The following DOP1B variants were observed in gnomAD, a reference collection of about 807,000 sequenced individuals.
DOP1B encodes DOP1 leucine zipper like protein B.
DOP1B carries 174 observed loss-of-function variants against 233.5 expected under a neutral mutation model. The ratio of observed to expected loss-of-function variants is 0.75; its 90% CI spans 0.66 to 0.85. DOP1B has a LOEUF of 0.85. Among genes scored for constraint, DOP1B ranks in the 40% least tolerant of loss-of-function variants. The pLI, the probability that DOP1B is intolerant of heterozygous loss-of-function variation, is 0.00. For synonymous variants in DOP1B, 1,190 were observed against 1,185.6 expected, an observed-to-expected ratio of 1.00 and a Z score of -0.08; for missense variants, 2,652 against 2,846.6, an observed-to-expected ratio of 0.93 and a Z score of 1.56.
Position 36,245,008 on chromosome 21 carries a change from C to G in DOP1B, c.3068-40C>G. On this transcript the variant is annotated intron_variant, in intron 18 of 36. Transcript: ENST00000691173. The surrounding 1 kb of genome is among the most constrained non-coding windows in gnomAD (Gnocchi z 5.5). ...CCTACAGCTAATGTATCATAGCTGA[C>G]CCTTCTGTCTAAAGTCATTTGTCAT... 6.4e-7 allele frequency: 1 copy of G among 1,552,392 alleles called. No homozygotes were observed. The highest frequency in any genetic ancestry group is 1.8e-5 in the Admixed American group (1 of 54,736).
Position 36,246,843 on chromosome 21 carries a change from ATTATGTTATGTTATGTTATGTTATG to A in DOP1B, c.4697+196_4697+220del, listed in dbSNP as rs58401743. On this transcript the variant is annotated intron_variant, in intron 19 of 36. Coordinates refer to ENST00000691173, the MANE Select transcript of DOP1B (RefSeq NM_001320714.2). The surrounding 1 kb of genome is among the most constrained non-coding windows in gnomAD (Gnocchi z 5.1). The stretch of plus-strand genomic sequence containing the variant: ...AACAAGCAACTAAATGTTCTGATCC[ATTATGTTATGTTATGTTATGTTATG>A]TTATGTTATGTTATGTTATGTTATG... Among the ~76,000 whole-genome samples the A allele has an allele frequency of 7.2e-3, 1,065 of 147,016 alleles. 11 individuals are homozygous for A. Among genetic ancestry groups the A allele is most frequent in the African/African-American group, 0.025 (991 of 39,402 alleles).
intron 2 of DOP1B, among the ~76,000 whole-genome samples, chr21:36,185,402 T>G (rs1185087979): frequency 6.6e-6 from 1 of 152,222 alleles, no homozygotes; most frequent in Non-Finnish European, 1.5e-5. Context: ...TCTGAGACTG[T>G]TAGCTCTTAG....
chr21:36,201,747 A>T (rs1031281084), intron 4 of DOP1B, among the ~76,000 whole-genome samples: 1 of 152,170 alleles, frequency 6.6e-6, no homozygotes, highest in Non-Finnish European at 1.5e-5. Flanking sequence ...ATTTAGTGTG[A>T]TGTGAAGCAG....
At chr21:36,170,146 C>A in intron 2 of DOP1B, 1 of 517,256 alleles carries the variant, frequency 1.9e-6, no homozygotes, top group South Asian at 1.9e-5. Flanking sequence ...GCAGAGGGAC[C>A]CATGTCTGGG....
In DOP1B at chr21:36,248,468, T is replaced by C; in HGVS notation, c.4898T>C (p.Leu1633Pro). 6.2e-7 allele frequency: 1 copy of C among 1,614,196 alleles called. No homozygotes were observed. Among genetic ancestry groups the C allele is most frequent in the Non-Finnish European group, 8.5e-7 (1 of 1,180,022 alleles). Residue 1633 changes from leucine to proline, a missense_variant, in exon 21 of 37, where the codon CTT becomes CCT. This residue lies in a region of DOP1B where 2,617 missense variants were observed against 2,794.3 expected (regional missense o/e 0.94). Transcript: ENST00000691173. ...CCTCGAACTGTTAACACCATGGCCC[T>C]TCTCTGGAATGTTCTCAGAAAGGAG... ...ELPRTVNTMA[L>P]LWNVLRKEET...
chr21:36,253,674 C>A, intron 22 of DOP1B, 98 bp from the exon 23 acceptor site: 15 of 1,265,838 alleles, frequency 1.2e-5, no homozygotes, highest in African/African-American at 3.0e-5. Flanking sequence ...AGATTGATTT[C>A]TCCAGGGACG....
intron 2 of DOP1B, among the ~76,000 whole-genome samples, chr21:36,198,019 C>CA (rs59815539): frequency 0.051 from 5,576 of 108,274 alleles, 283 homozygotes; most frequent in African/African-American, 0.15. Flanking sequence ...GACTCCGTCT[C>CA]AAAAAAAAAA....
chr21:36,263,528 T>C lies in DOP1B; in HGVS notation c.5316-18T>C. 1 of 1,606,208 alleles carries C rather than the reference T, an allele frequency of 6.2e-7. No homozygotes were observed. Among genetic ancestry groups the C allele is most frequent in the Non-Finnish European group, 8.5e-7 (1 of 1,174,458 alleles). ...CTTGTTCGTGGTTGAGTATTTTTCC[T>C]ATCTTTTAAAAAAACAGGCTCCCAG... is the stretch of plus-strand genomic sequence containing the variant. On this transcript the variant is annotated intron_variant, in intron 24 of 36. Transcript: ENST00000691173.
Position 36,245,287 on chromosome 21 carries a change from GC to G in DOP1B, c.3311del (p.Pro1104ArgfsTer35). 1.2e-6 allele frequency: 2 copies of G among 1,614,040 alleles called. No individual in the cohort carries two copies. The highest frequency in any genetic ancestry group is 1.7e-6 in the Non-Finnish European group (2 of 1,180,042). On this transcript the variant is annotated frameshift_variant, in exon 19 of 37. Coordinates refer to ENST00000691173, the MANE Select transcript of DOP1B (RefSeq NM_001320714.2). LOFTEE classifies it high-confidence loss of function. This position sits in a 1 kb window ranked among gnomAD's most constrained non-coding sequence, Gnocchi z 5.5. ...GCTTCCAGACAGGACGGCCCACGGCGCCCCGGACAGCAGCGAGCACACCGAG... is the reference window on the plus strand; with the variant it reads ...GCTTCCAGACAGGACGGCCCACGGCGCCCGGACAGCAGCGAGCACACCGAG... ...VELPDRTAHG[A>X]PDSSEHTESA... is the part of the protein sequence containing the mutation.
chr21:36,273,903 G>A (rs368384599), intron 27 of DOP1B, among the ~76,000 whole-genome samples: 32 of 151,960 alleles, frequency 2.1e-4, no homozygotes, highest in African/African-American at 7.0e-4. Context: ...GTGAAACCCC[G>A]TCTCTACTAA....
At position 36,286,566 on chromosome 21, in the gene DOP1B, G is replaced by A. The variant is rs138194561; in HGVS notation, c.6161-1448G>A. Among the ~76,000 whole-genome samples the A allele has an allele frequency of 4.8e-3, 726 of 151,798 alleles. 6 individuals are homozygous for A. Among genetic ancestry groups the A allele is most frequent in the African/African-American group, 0.016 (678 of 41,370 alleles). ...CATGAGAATCATTTGAACCCAGGAG[G>A]CAGAGGCTGCAGTGAGCCGAGATCG... On this transcript the variant is annotated intron_variant, in intron 32 of 36. Coordinates refer to ENST00000691173, the MANE Select transcript of DOP1B (RefSeq NM_001320714.2).
intron 21 of DOP1B, 78 bp from the exon 22 acceptor site, chr21:36,251,084 C>T: frequency 6.5e-7 from 1 of 1,527,200 alleles, no homozygotes. Context: ...TCGGTATGGA[C>T]AGCAGTGGTG....
chr21:36,239,515 C>T (rs921869670), intron 17 of DOP1B, among the ~76,000 whole-genome samples: 2 of 152,198 alleles, frequency 1.3e-5, no homozygotes, highest in African/African-American at 2.4e-5. Context: ...AGGCCCAGGC[C>T]CAGACTCAGA....
In DOP1B at chr21:36,293,589, T is replaced by C; in HGVS notation, c.*18T>C. The C allele has an allele frequency of 1.2e-6, 2 of 1,612,452 alleles. No individual in the cohort carries two copies. Among genetic ancestry groups the C allele is most frequent in the South Asian group, 2.2e-5 (2 of 90,994 alleles). On this transcript the variant is annotated 3_prime_UTR_variant, in exon 37 of 37. Transcript: ENST00000691173. ...AATGTTAACCATGTGAGAGAGAATA[T>C]GTTTAATCCATGTATTGGTACTTTA...
chr21:36,237,774 G>A (rs556814561), intron 16 of DOP1B, among the ~76,000 whole-genome samples: 4 of 152,308 alleles, frequency 2.6e-5, no homozygotes, highest in South Asian at 2.1e-4. Context: ...GCTCACACCC[G>A]TAATCCCAGC....
At chr21:36,209,144 C>T (rs1302147842) in intron 5 of DOP1B, among the ~76,000 whole-genome samples, 4 of 152,146 alleles carry the variant, frequency 2.6e-5, no homozygotes, top group Admixed American at 6.5e-5. Context: ...TGTTTTGAGA[C>T]GGAGTCTCGC....
intron 2 of DOP1B, among the ~76,000 whole-genome samples, chr21:36,166,908 A>ACGGCTC (rs1340653637): frequency 6.6e-5 from 10 of 152,216 alleles, no homozygotes; most frequent in African/African-American, 1.9e-4. Flanking sequence ...TGTAAATGTC[A>ACGGCTC]CGGCTCCGTG....
At chr21:36,193,102 G>A (rs1027112649) in intron 2 of DOP1B, among the ~76,000 whole-genome samples, 1 of 152,230 alleles carries the variant, frequency 6.6e-6, no homozygotes. Context: ...CAGGGCATTA[G>A]CAATTGTAAA....
At chr21:36,200,544 T>C (rs1235398972) in intron 4 of DOP1B, 43 bp downstream of exon 4, 1 of 1,545,842 alleles carries the variant, frequency 6.5e-7, no homozygotes, top group East Asian at 2.3e-5. Context: ...TCCACTGCTT[T>C]ATAAGACGCG....
Sources: allele counts gnomAD v4.1 joint callset (sites outside exome capture counted in the v4.1 genomes callset), GRCh38; gene constraint gnomAD v4.1.1; regional missense constraint gnomAD v4.1.1; non-coding constraint Gnocchi (gnomAD v3.1); transcripts MANE v1.5; gene names NCBI Gene and HGNC (gene_info 2026-07-23, HGNC 2026-07-21).